The following BAZ2B variants were observed in gnomAD, a reference collection of about 807,000 sequenced individuals.
BAZ2B encodes the protein bromodomain adjacent to zinc finger domain 2B.
In BAZ2B, 91 loss-of-function variants were observed where a neutral mutation model predicts 246.0. That is an observed-to-expected ratio of 0.37 (90% CI 0.31 to 0.44). The LOEUF is 0.44. BAZ2B is among the 20% of genes least tolerant of loss of function. BAZ2B has a pLI of 1.00. For missense variants in BAZ2B, 2,332 were observed against 2,533.7 expected, an observed-to-expected ratio of 0.92 and a Z score of 1.71; for synonymous variants, 855 against 860.0, an observed-to-expected ratio of 0.99 and a Z score of 0.10.
intron 31 of BAZ2B, among the ~76,000 whole-genome samples, chr2:159,341,327 G>T (rs1424060271): frequency 1.3e-5 from 2 of 152,090 alleles, no homozygotes; most frequent in Non-Finnish European, 2.9e-5. Flanking sequence ...TTCAACAAGA[G>T]AATACAATAA....
chr2:159,328,730 TTGTGTGTGTATG>T (rs1349864718), intron 34 of BAZ2B, among the ~76,000 whole-genome samples: 3 of 152,056 alleles, frequency 2.0e-5, no homozygotes, highest in Non-Finnish European at 4.4e-5. Flanking sequence ...ATATGTGAGT[TTGTGTGTGTATG>T]TGTGTGTGTA....
intron 27 of BAZ2B, among the ~76,000 whole-genome samples, chr2:159,361,925 G>C (rs2059742936): frequency 6.6e-6 from 1 of 150,946 alleles, no homozygotes. Context: ...TGGACATAGG[G>C]AGGGGAACAA....
At chr2:159,659,995 T>C in the BAZ2B span, among the ~76,000 whole-genome samples, 1 of 152,220 alleles carries the variant, frequency 6.6e-6, no homozygotes, top group Non-Finnish European at 1.5e-5. Flanking sequence ...TTTTGAAGTG[T>C]ACAATTCAGT....
rs1025756407 is a variant in BAZ2B at position 159,350,313 on chromosome 2, C to T, written c.4258G>A (p.Glu1420Lys). The change falls in exon 28 of 37, where the codon GAA becomes AAA. Residue 1420 changes from glutamate (E) to lysine (K), a missense_variant. Physicochemically the swap from Glu to Lys is moderately conservative, Grantham distance 56 (BLOSUM62 1). Transcript: ENST00000392783. ...AKEREKLKKA[E>K]SVQIKEEMFE... ...ATTTCTTCTTTGATCTGGACACTTTCTGCCTTTTTCAGTTTTTCTCTTTCT... is the reference window on the plus strand; with the variant it reads ...ATTTCTTCTTTGATCTGGACACTTTTTGCCTTTTTCAGTTTTTCTCTTTCT... The T allele has an allele frequency of 1.3e-6, 2 of 1,576,542 alleles. No homozygotes were observed. The highest frequency in any genetic ancestry group is 1.7e-6 in the Non-Finnish European group (2 of 1,165,806).
intron 2 of BAZ2B, among the ~76,000 whole-genome samples, chr2:159,496,668 A>G (rs1416565853): frequency 6.7e-6 from 1 of 150,146 alleles, no homozygotes; most frequent in Admixed American, 6.7e-5. Flanking sequence ...TGTAATCCCA[A>G]CTACTCAGGA....
chr2:159,662,961 C>A, the BAZ2B span, among the ~76,000 whole-genome samples: 1 of 151,978 alleles, frequency 6.6e-6, no homozygotes, highest in African/African-American at 2.4e-5. Context: ...CATTTATATA[C>A]CTTCTTTAGA....
the BAZ2B span, among the ~76,000 whole-genome samples, chr2:159,706,017 GATTTC>G: frequency 2.6e-5 from 4 of 151,346 alleles, no homozygotes; most frequent in African/African-American, 7.3e-5. Context: ...GCTTAAATTT[GATTTC>G]ATTTTATAAA....
At chr2:159,447,575 GTTAATAC>G (rs922322985) in intron 5 of BAZ2B, among the ~76,000 whole-genome samples, 3 of 152,046 alleles carry the variant, frequency 2.0e-5, no homozygotes, top group African/African-American at 7.2e-5. Flanking sequence ...TTTTAATGAA[GTTAATAC>G]TTAATTACAA....
chr2:159,559,675 A>G (rs2089619703), intron 1 of BAZ2B, among the ~76,000 whole-genome samples: 1 of 152,188 alleles, frequency 6.6e-6, no homozygotes, highest in Non-Finnish European at 1.5e-5. Context: ...TTGCAATTGC[A>G]TGAGGAAAAA....
intron 1 of BAZ2B, among the ~76,000 whole-genome samples, chr2:159,613,169 A>AATGGAGGATATT (rs1695058158): frequency 6.6e-6 from 1 of 152,132 alleles, no homozygotes; most frequent in Non-Finnish European, 1.5e-5. Flanking sequence ...AAAAATTAAA[A>AATGGAGGATATT]CTAAAATATA....
At chr2:159,653,379 A>C in the BAZ2B span, among the ~76,000 whole-genome samples, 1 of 152,194 alleles carries the variant, frequency 6.6e-6, no homozygotes, top group Non-Finnish European at 1.5e-5. Context: ...TATTCTATTA[A>C]AGTATTTTGG....
At chr2:159,523,331 G>A (rs984188116) in intron 2 of BAZ2B, among the ~76,000 whole-genome samples, 1 of 152,194 alleles carries the variant, frequency 6.6e-6, no homozygotes, top group Non-Finnish European at 1.5e-5. Context: ...CAGCCCAGGA[G>A]TTCGAAGTTA....
intron 2 of BAZ2B, among the ~76,000 whole-genome samples, chr2:159,484,467 GTAACATACAT>G (rs1577633971): frequency 6.6e-6 from 1 of 152,180 alleles, no homozygotes; most frequent in East Asian, 1.9e-4. Context: ...CTCATACTGG[GTAACATACAT>G]TTGCTGTATT....
intron 13 of BAZ2B, among the ~76,000 whole-genome samples, chr2:159,427,732 A>C (rs1280533396): frequency 6.6e-6 from 1 of 152,116 alleles, no homozygotes; most frequent in East Asian, 1.9e-4. Flanking sequence ...ATTTACTTAA[A>C]TATGAAAAAG....
the BAZ2B span, among the ~76,000 whole-genome samples, chr2:159,692,156 AT>A: frequency 2.0e-5 from 3 of 150,194 alleles, no homozygotes; most frequent in South Asian, 2.1e-4. Context: ...CTTTTTCTTA[AT>A]TTTTTTTTTC....
At chr2:159,602,165 C>T (rs1049117064) in intron 1 of BAZ2B, among the ~76,000 whole-genome samples, 27 of 151,912 alleles carry the variant, frequency 1.8e-4, no homozygotes, top group Non-Finnish European at 3.7e-4. Context: ...ACCTAGGAGC[C>T]ATAAATGAAA....
At chr2:159,611,498 C>A (rs1324988383) in intron 1 of BAZ2B, among the ~76,000 whole-genome samples, 1 of 151,788 alleles carries the variant, frequency 6.6e-6, no homozygotes, top group East Asian at 1.9e-4. Context: ...CAGTAATGTA[C>A]AACCTATTTA....
chr2:159,568,075 T>G (rs974369568), intron 1 of BAZ2B, among the ~76,000 whole-genome samples: 9 of 152,210 alleles, frequency 5.9e-5, no homozygotes, highest in Admixed American at 4.6e-4. Context: ...TTTCAGTACA[T>G]TCACAATGTT....
chr2:159,510,767 G>A (rs1428177097), intron 2 of BAZ2B, among the ~76,000 whole-genome samples: 2 of 152,132 alleles, frequency 1.3e-5, no homozygotes, highest in Non-Finnish European at 2.9e-5. Flanking sequence ...CTTCTTCAGT[G>A]CTTGAAGATA....
Sources: allele counts gnomAD v4.1 joint callset (sites outside exome capture counted in the v4.1 genomes callset), GRCh38; gene constraint gnomAD v4.1.1; transcripts MANE v1.5; gene names NCBI Gene and HGNC (gene_info 2026-07-23, HGNC 2026-07-21).